The following MEGF11 variants were observed in gnomAD, a reference collection of about 807,000 sequenced individuals.
MEGF11 encodes the protein multiple EGF like domains 11, also known as multiple epidermal growth factor-like domains protein 11.
A neutral mutation model predicts 146.6 loss-of-function variants in MEGF11; 126 were observed. The ratio of observed to expected loss-of-function variants is 0.86; its 90% CI spans 0.74 to 1.00. The LOEUF is 1.00. Among genes scored for constraint, MEGF11 ranks in the 50% least tolerant of loss-of-function variants. MEGF11 has a pLI of 0.00. For missense variants in MEGF11, 1,509 were observed against 1,521.2 expected, an observed-to-expected ratio of 0.99 and a Z score of 0.13; for synonymous variants, 532 against 583.4, an observed-to-expected ratio of 0.91 and a Z score of 1.27.
intron 1 of MEGF11, among the ~76,000 whole-genome samples, chr15:66,131,022 C>T (rs907747374): frequency 2.0e-5 from 3 of 152,210 alleles, no homozygotes; most frequent in Non-Finnish European, 2.9e-5. Context: ...TAAGAAAATG[C>T]CCCTGGTTTC....
At chr15:66,026,053 G>A (rs1027952375) in intron 5 of MEGF11, among the ~76,000 whole-genome samples, 4 of 152,196 alleles carry the variant, frequency 2.6e-5, no homozygotes, top group South Asian at 4.1e-4. Context: ...AAATGTCAAT[G>A]CCAAGGCCCC....
At chr15:65,969,029 C>T (rs931742164) in intron 8 of MEGF11, among the ~76,000 whole-genome samples, 8 of 152,190 alleles carry the variant, frequency 5.3e-5, no homozygotes, top group Admixed American at 5.2e-4. Flanking sequence ...ATTGAACCCT[C>T]CTGTGGTTGA....
chr15:65,923,009 G>A, intron 13 of MEGF11, 40 bp from the exon 14 acceptor site: 3 of 1,601,078 alleles, frequency 1.9e-6, no homozygotes, highest in Non-Finnish European at 2.6e-6. Context: ...GGTAAGAGAG[G>A]TGAGGATGAA....
At position 66,092,990 on chromosome 15, in the gene MEGF11, T is replaced by G. The variant is rs149286062; in HGVS notation, c.394+1412A>C. Among the ~76,000 whole-genome samples, 32 of 152,312 alleles carry G rather than the reference T, an allele frequency of 2.1e-4. No homozygotes were observed. In the East Asian group the frequency reaches 5.4e-3, roughly 26 times the overall value. ...TACCCAGTGTGTTTTGCAGCTCAAG[T>G]CCACAGAAAGACTGGTTGGACATCT... On this transcript the variant is annotated intron_variant, in intron 5 of 25. Coordinates refer to ENST00000395614, the MANE Select transcript of MEGF11 (RefSeq NM_001385028.1).
intron 5 of MEGF11, among the ~76,000 whole-genome samples, chr15:66,069,867 C>T (rs1239703963): frequency 6.6e-6 from 1 of 152,226 alleles, no homozygotes; most frequent in Non-Finnish European, 1.5e-5. Flanking sequence ...TCTGCTGTTA[C>T]AGTGAGAAAG....
chr15:65,995,703 G>A (rs1274887505), intron 5 of MEGF11, among the ~76,000 whole-genome samples: 1 of 152,152 alleles, frequency 6.6e-6, no homozygotes, highest in East Asian at 1.9e-4. Flanking sequence ...ATTCCCAGAG[G>A]CTGCTGTGCT....
intron 5 of MEGF11, among the ~76,000 whole-genome samples, chr15:66,079,269 CAGA>C (rs2085732077): frequency 6.6e-6 from 1 of 152,186 alleles, no homozygotes; most frequent in South Asian, 2.1e-4. Context: ...TGAGGACCCT[CAGA>C]AGGTCTCCCC....
chr15:66,005,383 A>T (rs2082489644), intron 5 of MEGF11, among the ~76,000 whole-genome samples: 1 of 152,186 alleles, frequency 6.6e-6, no homozygotes, highest in Admixed American at 6.5e-5. Context: ...AGTGGAGATC[A>T]TTTTACCAGG....
chr15:65,972,356 A>G (rs1313972676), intron 7 of MEGF11, among the ~76,000 whole-genome samples: 5 of 152,244 alleles, frequency 3.3e-5, no homozygotes, highest in Admixed American at 3.3e-4. Flanking sequence ...ACATCAAGGC[A>G]TGTTATCGTA....
At chr15:66,226,749 GC>G (rs1442595414) in intron 1 of MEGF11, among the ~76,000 whole-genome samples, 2 of 152,098 alleles carry the variant, frequency 1.3e-5, no homozygotes, top group Non-Finnish European at 2.9e-5. Context: ...CACTGGGGGG[GC>G]TTGGAACATG....
chr15:66,203,853 T>C (rs2091231104), intron 1 of MEGF11, among the ~76,000 whole-genome samples: 1 of 152,246 alleles, frequency 6.6e-6, no homozygotes, highest in South Asian at 2.1e-4. Flanking sequence ...GTTGCAATAA[T>C]GTTCTTGTGA....
At chr15:65,994,279 T>C (rs139435251) in intron 5 of MEGF11, among the ~76,000 whole-genome samples, 111 of 152,284 alleles carry the variant, frequency 7.3e-4, no homozygotes, top group African/African-American at 2.6e-3. Context: ...GGCCTGGCAC[T>C]GAGAAGGATG....
At chr15:66,187,711 G>T (rs759983369) in intron 1 of MEGF11, among the ~76,000 whole-genome samples, 12 of 152,096 alleles carry the variant, frequency 7.9e-5, no homozygotes, top group African/African-American at 2.9e-4. Flanking sequence ...GGCCAGGGTC[G>T]TGGGGCTTGA....
chr15:65,992,437 C>CTA (rs2082073029), intron 5 of MEGF11, among the ~76,000 whole-genome samples: 1 of 76,168 alleles, frequency 1.3e-5, no homozygotes, highest in Admixed American at 1.8e-4. Flanking sequence ...GTTTGTGCCT[C>CTA]TGTGTGTGTG....
chr15:66,096,577 C>T (rs139027249), intron 4 of MEGF11, among the ~76,000 whole-genome samples: 4 of 152,248 alleles, frequency 2.6e-5, no homozygotes, highest in African/African-American at 7.2e-5. Flanking sequence ...CAGGGGCTGG[C>T]GGTGGGGCCG....
At chr15:66,076,470 C>T (rs891146976) in intron 5 of MEGF11, among the ~76,000 whole-genome samples, 1 of 152,024 alleles carries the variant, frequency 6.6e-6, no homozygotes. Flanking sequence ...AATTTGAGGC[C>T]ATTTACCCAG....
At chr15:66,234,642 G>A (rs12902933) in intron 1 of MEGF11, among the ~76,000 whole-genome samples, 39,758 of 152,128 alleles carry the variant, frequency 0.26, 6,077 homozygotes, top group Non-Finnish European at 0.36. Flanking sequence ...GATCCCAATC[G>A]GGTCCCTACA....
At chr15:65,967,877 T>C (rs1165825759) in intron 8 of MEGF11, among the ~76,000 whole-genome samples, 1 of 152,108 alleles carries the variant, frequency 6.6e-6, no homozygotes, top group Non-Finnish European at 1.5e-5. Context: ...GGGCACCGTA[T>C]ACTGAGGGGC....
intron 1 of MEGF11, among the ~76,000 whole-genome samples, chr15:66,182,448 A>G (rs1026484458): frequency 1.3e-5 from 2 of 152,188 alleles, no homozygotes; most frequent in Non-Finnish European, 2.9e-5. Flanking sequence ...CCTGATCTAT[A>G]AATGATCACA....
Sources: allele counts gnomAD v4.1 joint callset (sites outside exome capture counted in the v4.1 genomes callset), GRCh38; gene constraint gnomAD v4.1.1; transcripts MANE v1.5; gene names NCBI Gene and HGNC (gene_info 2026-07-23, HGNC 2026-07-21).